XKR6: variants seen among roughly 807,000 people sequenced by gnomAD.
The protein encoded by XKR6 is XK-related protein 6.
XKR6 carries 22 observed loss-of-function variants against 56.7 expected under a neutral mutation model. That is an observed-to-expected ratio of 0.39 (90% CI 0.28 to 0.55). The LOEUF is 0.55. Among genes scored for constraint, XKR6 ranks in the 20% least tolerant of loss-of-function variants. The probability of loss-of-function intolerance (pLI) is 0.66; values close to 1 mark genes in which losing one functional copy is unlikely to be tolerated. For synonymous variants in XKR6, 524 were observed against 387.8 expected (o/e 1.35, Z -4.13); for missense variants, 852 against 889.0 (o/e 0.96, Z 0.53).
At chr8:11,002,463 G>A (rs530334459) in intron 1 of XKR6, 14 of 404,090 alleles carry the variant, frequency 3.5e-5, no homozygotes, top group South Asian at 2.1e-4. Context: ...ATCTCCAGGA[G>A]AAGGCAGGAG....
intron 1 of XKR6, chr8:11,107,850 T>C (rs778633444): frequency 6.3e-6 from 1 of 159,366 alleles, no homozygotes; most frequent in Non-Finnish European, 1.4e-5. Context: ...TTATTTTATC[T>C]GGTTACCAGT....
At chr8:11,004,420 C>T (rs891258645) in intron 1 of XKR6, among the ~76,000 whole-genome samples, 2 of 151,936 alleles carry the variant, frequency 1.3e-5, no homozygotes, top group Non-Finnish European at 2.9e-5. Context: ...TGCAGTGAGC[C>T]GAGATCATGA....
chr8:11,168,669 A>C (rs1802206701), intron 1 of XKR6, among the ~76,000 whole-genome samples: 1 of 152,216 alleles, frequency 6.6e-6, no homozygotes, highest in East Asian at 1.9e-4. Context: ...TGAATTTAAA[A>C]AGACTGAAGT....
At chr8:11,063,424 G>C (rs1304822180) in intron 1 of XKR6, among the ~76,000 whole-genome samples, 1 of 151,642 alleles carries the variant, frequency 6.6e-6, no homozygotes, top group African/African-American at 2.4e-5. Context: ...CTTGCATCCA[G>C]GAGTTGGAGG....
In XKR6 at chr8:10,915,671, G is replaced by T. The variant is rs182185379; in HGVS notation, c.961+8963C>A. Among the ~76,000 whole-genome samples the T allele has an allele frequency of 2.0e-5, 3 of 152,288 alleles. No individual in the cohort carries two copies. The East Asian group carries it at 5.8e-4, about 29-fold the overall frequency. On this transcript the variant is annotated intron_variant, in intron 2 of 2. Transcript: ENST00000416569. ...TGCAAACTCCATTTAACAGGGTAAT[G>T]GTTTAATGTATTGCTTAACAAGAAG...
In XKR6 at chr8:11,132,133, G is replaced by A. The variant is rs111740835; in HGVS notation, c.764+68443C>T. ...GGTCTGGTGCAGCGCCCTAAAATTT[G>A]CATTCCTAACAAGCTCCCAGGTATG... On this transcript the variant is annotated intron_variant, in intron 1 of 2. Coordinates refer to ENST00000416569, the MANE Select transcript of XKR6 (RefSeq NM_173683.4). Among the ~76,000 whole-genome samples, 369 of 152,146 alleles carry A rather than the reference G, an allele frequency of 2.4e-3. 4 individuals carry two copies. Among genetic ancestry groups the A allele is most frequent in the African/African-American group, 8.5e-3 (353 of 41,450 alleles).
intron 1 of XKR6, among the ~76,000 whole-genome samples, chr8:10,929,477 T>C (rs1421885465): frequency 6.6e-6 from 1 of 151,488 alleles, no homozygotes; most frequent in Non-Finnish European, 1.5e-5. Context: ...TGTTGACTGC[T>C]CCTGCCCACG....
intron 1 of XKR6, among the ~76,000 whole-genome samples, chr8:10,973,065 T>C (rs1441558215): frequency 6.6e-6 from 1 of 152,188 alleles, no homozygotes; most frequent in Non-Finnish European, 1.5e-5. Context: ...GGCTTACGAT[T>C]AGCCTCTTCA....
chr8:11,023,138 G>A (rs1281480008), intron 1 of XKR6, among the ~76,000 whole-genome samples: 1 of 152,216 alleles, frequency 6.6e-6, no homozygotes, highest in Non-Finnish European at 1.5e-5. Context: ...GAGTCAGCTG[G>A]CGGTGAGAAA....
intron 1 of XKR6, chr8:11,137,352 A>T: frequency 3.2e-6 from 1 of 314,272 alleles, no homozygotes; most frequent in Non-Finnish European, 6.2e-6. Context: ...CAATTATAAA[A>T]AATACAAAGG....
chr8:10,903,575 T>C (rs190562129), intron 2 of XKR6, among the ~76,000 whole-genome samples: 135 of 152,196 alleles, frequency 8.9e-4, no homozygotes, highest in East Asian at 2.1e-3. Flanking sequence ...TGTTTAGAGA[T>C]AGGGCCTTTA....
intron 1 of XKR6, among the ~76,000 whole-genome samples, chr8:11,143,609 G>C (rs1190888691): frequency 6.6e-6 from 1 of 152,136 alleles, no homozygotes; most frequent in African/African-American, 2.4e-5. Context: ...TGTATGATGG[G>C]GTGAAGGAAC....
chr8:11,034,554 T>C (rs1799089411), intron 1 of XKR6, among the ~76,000 whole-genome samples: 1 of 152,180 alleles, frequency 6.6e-6, no homozygotes, highest in Admixed American at 6.5e-5. Context: ...CAGAGAGCCA[T>C]GGCAGGCTTT....
At chr8:11,044,635 A>AT (rs199827131) in intron 1 of XKR6, among the ~76,000 whole-genome samples, 22,138 of 143,770 alleles carry the variant, frequency 0.15, 2,404 homozygotes, top group African/African-American at 0.32. Context: ...TGATTTTCTG[A>AT]TTTTTTTTTT....
At chr8:11,119,659 G>C (rs775262820) in intron 1 of XKR6, among the ~76,000 whole-genome samples, 24 of 151,956 alleles carry the variant, frequency 1.6e-4, no homozygotes, top group Non-Finnish European at 2.6e-4. Context: ...TATTTACTTG[G>C]TAGATCTTCC....
chr8:10,978,885 C>T (rs948191298), intron 1 of XKR6, among the ~76,000 whole-genome samples: 7 of 152,202 alleles, frequency 4.6e-5, no homozygotes, highest in Non-Finnish European at 7.3e-5. Context: ...CTTAGCTGGA[C>T]GTTCCAGGCC....
At chr8:11,173,053 C>T (rs1262369508) in intron 1 of XKR6, among the ~76,000 whole-genome samples, 1 of 152,036 alleles carries the variant, frequency 6.6e-6, no homozygotes, top group Non-Finnish European at 1.5e-5. Flanking sequence ...TAACAGCTTC[C>T]GGCCGGGCGC....
chr8:11,030,327 C>T (rs887871680), intron 1 of XKR6, among the ~76,000 whole-genome samples: 1 of 152,196 alleles, frequency 6.6e-6, no homozygotes, highest in African/African-American at 2.4e-5. Context: ...TTCTAAACTG[C>T]ACAGATTGAG....
chr8:10,966,864 C>T (rs1402659999), intron 1 of XKR6, among the ~76,000 whole-genome samples: 2 of 152,050 alleles, frequency 1.3e-5, no homozygotes, highest in Non-Finnish European at 2.9e-5. Flanking sequence ...GTGAGAATCA[C>T]CTGACGAGCC....
Sources: allele counts gnomAD v4.1 joint callset (sites outside exome capture counted in the v4.1 genomes callset), GRCh38; gene constraint gnomAD v4.1.1; transcripts MANE v1.5; gene names NCBI Gene and HGNC (gene_info 2026-07-23, HGNC 2026-07-21).